The following ESRRG variants were observed in gnomAD, a reference collection of about 807,000 sequenced individuals.
ESRRG encodes the protein estrogen related receptor gamma.
Under a neutral mutation model 44.0 loss-of-function variants are expected in ESRRG, and 13 were observed. The ratio of observed to expected loss-of-function variants is 0.30; its 90% CI spans 0.19 to 0.47. The LOEUF is 0.47. Ranked by LOEUF, ESRRG falls within the 20% of genes least tolerant of loss-of-function variation. The pLI is 1.00. For missense variants in ESRRG, 395 were observed against 580.6 expected (o/e 0.68, Z 3.29); for synonymous variants, 215 against 214.6 (o/e 1.00, Z -0.02).
At chr1:216,684,989 G>A (rs549713454) in intron 1 of ESRRG, among the ~76,000 whole-genome samples, 23 of 152,244 alleles carry the variant, frequency 1.5e-4, no homozygotes, top group African/African-American at 3.1e-4. Context: ...CCTCCTAGAC[G>A]GAAACAAACA....
intron 1 of ESRRG, among the ~76,000 whole-genome samples, chr1:217,053,918 A>G (rs1228702631): frequency 1.3e-5 from 2 of 152,028 alleles, no homozygotes; most frequent in African/African-American, 4.8e-5. Flanking sequence ...GTATGGTACT[A>G]CTTTACAAGA....
At chr1:216,867,913 C>A (rs929906817) in intron 2 of ESRRG, among the ~76,000 whole-genome samples, 3 of 151,962 alleles carry the variant, frequency 2.0e-5, no homozygotes, top group Non-Finnish European at 4.4e-5. Context: ...CCTTTATAGG[C>A]CAATTGCCTG....
At chr1:217,013,774 C>G (rs1212692331) in intron 1 of ESRRG, among the ~76,000 whole-genome samples, 1 of 140,876 alleles carries the variant, frequency 7.1e-6, no homozygotes, top group Non-Finnish European at 1.5e-5. Context: ...TGTCATCCCC[C>G]CTGAAAGAGT....
intron 6 of ESRRG, among the ~76,000 whole-genome samples, chr1:216,507,938 A>G (rs1213935958): frequency 6.6e-6 from 1 of 152,214 alleles, no homozygotes; most frequent in African/African-American, 2.4e-5. Flanking sequence ...TTCTTGTGAG[A>G]AATGTGAGAT....
intron 2 of ESRRG, among the ~76,000 whole-genome samples, chr1:216,669,607 T>C (rs1267714956): frequency 2.6e-5 from 4 of 152,214 alleles, no homozygotes; most frequent in Non-Finnish European, 4.4e-5. Flanking sequence ...TAAAGTAGGC[T>C]GGGCGCGGTG....
chr1:216,892,923 G>A (rs956646585), intron 2 of ESRRG, among the ~76,000 whole-genome samples: 4 of 151,996 alleles, frequency 2.6e-5, no homozygotes, highest in Admixed American at 6.6e-5. Flanking sequence ...GTTTTAAGGC[G>A]ATTTTCTTCA....
chr1:217,058,520 AAC>A (rs1212019321), intron 1 of ESRRG, among the ~76,000 whole-genome samples: 6 of 152,146 alleles, frequency 3.9e-5, no homozygotes, highest in Non-Finnish European at 7.4e-5. Context: ...AAAGGGGACT[AAC>A]AGAGAGCAGA....
chr1:216,852,495 G>T lies in ESRRG; in HGVS notation c.-14+87087C>A, dbSNP rs1187164514. Among the ~76,000 whole-genome samples the T allele has an allele frequency of 2.6e-5, 4 of 152,162 alleles. No homozygotes were observed. The East Asian group carries it at 7.7e-4, about 29-fold the overall frequency. On this transcript the variant is annotated intron_variant, in intron 2 of 7. Transcript: ENST00000359162. ...ATTTTACTATTTAGTACACATTTTG[G>T]CAATTTAGCATATCTTGCGTTTTAT...
At chr1:216,780,852 G>T (rs1015824111) in intron 2 of ESRRG, among the ~76,000 whole-genome samples, 4 of 151,956 alleles carry the variant, frequency 2.6e-5, no homozygotes, top group South Asian at 2.1e-4. Flanking sequence ...CCTAGCATGA[G>T]AGGTTAAAAT....
chr1:216,977,066 G>C, intron 1 of ESRRG, among the ~76,000 whole-genome samples: 1 of 151,964 alleles, frequency 6.6e-6, no homozygotes, highest in South Asian at 2.1e-4. Flanking sequence ...AATCTTGCTC[G>C]CTCTCTCTTA....
In ESRRG at chr1:217,040,719, G is replaced by A. The variant is rs528560015; in HGVS notation, c.-106+48788C>T. Among the ~76,000 whole-genome samples the A allele has an allele frequency of 5.9e-5, 9 of 152,212 alleles. No individual in the cohort carries two copies. In the South Asian group the frequency reaches 1.5e-3, roughly 25 times the overall value. ...GATTATGAGAAAACTGAATTAAGGA[G>A]GTTCAGTAATTTGCCCAATAACACA... On this transcript the variant is annotated intron_variant, in intron 1 of 7. Transcript: ENST00000359162.
In ESRRG at chr1:216,983,031, G is replaced by GTTT. The variant is rs9308379; in HGVS notation, c.-105-43361_-105-43359dup. ...CTGACTAGTTACGTGACTTTGAACT[G>GTTT]TTTTTTTTTTTTTTTTTTTTTAACT... On this transcript the variant is annotated intron_variant, in intron 1 of 7. Transcript: ENST00000359162. Among the ~76,000 whole-genome samples, 327 of 132,978 alleles carry GTTT rather than the reference G, an allele frequency of 2.5e-3. 4 individuals are homozygous for GTTT. The East Asian group carries it at 0.036, about 15-fold the overall frequency. The allele number at this position is 132,978 out of a possible 152,430, so 87.2% of individuals were successfully genotyped here. A position where few individuals can be genotyped will look rare whatever the true frequency, so the allele number is the denominator to read the frequency against.
At position 216,911,458 on chromosome 1, in the gene ESRRG, G is replaced by A. The variant is rs60697432; in HGVS notation, c.-14+28124C>T. Among the ~76,000 whole-genome samples, 968 of 152,226 alleles carry A rather than the reference G, an allele frequency of 6.4e-3. 10 individuals are homozygous for A. Among genetic ancestry groups the A allele is most frequent in the African/African-American group, 0.022 (926 of 41,538 alleles). ...TTGGGCAAGGAGGAGGGAAGAATAG[G>A]TGCAACACAAAGGATATTTAGGGCA... On this transcript the variant is annotated intron_variant, in intron 2 of 7. Transcript: ENST00000359162.
chr1:217,012,450 T>C (rs2078764078), intron 1 of ESRRG, among the ~76,000 whole-genome samples: 1 of 152,200 alleles, frequency 6.6e-6, no homozygotes, highest in Non-Finnish European at 1.5e-5. Context: ...CTGCTACTGC[T>C]ACATACCTAG....
Position 216,506,783 on chromosome 1 carries a change from A to C in ESRRG, c.*156T>G. 1.3e-6 allele frequency: 1 copy of C among 744,082 alleles called. No individual in the cohort carries two copies. Among genetic ancestry groups the C allele is most frequent in the East Asian group, 2.7e-5 (1 of 37,352 alleles). 46.1% of individuals were successfully genotyped at this position (744,082 alleles called of 1,614,324 possible). A position where few individuals can be genotyped will look rare whatever the true frequency, so the allele number is the denominator to read the frequency against. ...GAAACTCATCAGGAACCTATGGAGG[A>C]ATCTGAAAGCTGCTTCATAGTCTTG... On this transcript the variant is annotated 3_prime_UTR_variant, in exon 7 of 7. Coordinates refer to ENST00000408911, the MANE Select transcript of ESRRG (RefSeq NM_001438.4).
rs879747992 is a variant in ESRRG, at chr1:216,728,795, T to TA, written c.-13-51305dup. 2.2e-3 allele frequency among the ~76,000 whole-genome samples: 311 copies of TA among 141,548 alleles called. 1 individual carries two copies. Among genetic ancestry groups the TA allele is most frequent in the Admixed American group, 2.7e-3 (38 of 14,112 alleles). The allele number at this position is 141,548 out of a possible 152,430, so 92.9% of individuals were successfully genotyped here. A position where few individuals can be genotyped will look rare whatever the true frequency, so the allele number is the denominator to read the frequency against. On this transcript the variant is annotated intron_variant, in intron 2 of 7. Transcript: ENST00000359162. ...TTTGTCCGAATTTTCAAAGGACTAG[T>TA]AAAAAAAAAAAAAGTAAGATATTAA...
chr1:216,812,707 G>A (rs2095014394), intron 2 of ESRRG, among the ~76,000 whole-genome samples: 1 of 151,970 alleles, frequency 6.6e-6, no homozygotes, highest in South Asian at 2.1e-4. Flanking sequence ...AATCCACCCT[G>A]TTTTCTCCAT....
intron 3 of ESRRG, among the ~76,000 whole-genome samples, chr1:216,606,593 C>T (rs1254660206): frequency 1.3e-5 from 2 of 152,062 alleles, no homozygotes; most frequent in Non-Finnish European, 2.9e-5. Flanking sequence ...CTCAGCACTC[C>T]CCCCACAACC....
chr1:216,847,549 G>A (rs992850078), intron 2 of ESRRG, among the ~76,000 whole-genome samples: 8 of 151,828 alleles, frequency 5.3e-5, no homozygotes, highest in South Asian at 2.1e-4. Flanking sequence ...ATCCTTTCTC[G>A]GCAACCAACC....
Sources: gnomAD v4.1 joint callset for allele counts (sites outside exome capture counted in the v4.1 genomes callset) on GRCh38, gnomAD v4.1.1 for gene constraint, MANE v1.5 for transcripts, NCBI Gene and HGNC (gene_info 2026-07-23, HGNC 2026-07-21) for gene names.